KIAA0586: variants seen among roughly 807,000 people sequenced by gnomAD.
KIAA0586 encodes KIAA0586.
In KIAA0586, 144 loss-of-function variants were observed where a neutral mutation model predicts 169.8. That is an observed-to-expected ratio of 0.85 (90% CI 0.74 to 0.97). The LOEUF (loss-of-function observed/expected upper bound fraction) is 0.97, where lower values mean the gene tolerates loss of function less well. Among genes scored for constraint, KIAA0586 ranks in the 50% least tolerant of loss-of-function variants. The pLI, the probability that KIAA0586 is intolerant of heterozygous loss-of-function variation, is 0.00. For missense variants in KIAA0586, 1,854 were observed against 1,823.0 expected (o/e 1.02, Z -0.31); for synonymous variants, 625 against 612.4 (o/e 1.02, Z -0.30).
chr14:58,460,138 A>G lies in KIAA0586; in HGVS notation c.1884+68A>G, dbSNP rs1054359808. ...AATTGATCATTTCCTTTAAGAGATAAATAATGAAGCGAATGTGAAGGTGTT... is the reference window on the plus strand; with the variant it reads ...AATTGATCATTTCCTTTAAGAGATAGATAATGAAGCGAATGTGAAGGTGTT... On this transcript the variant is annotated intron_variant, in intron 13 of 30. Transcript: ENST00000652326. 9.7e-6 allele frequency: 9 copies of G among 924,690 alleles called. No individual in the cohort carries two copies. In the African/African-American group the frequency reaches 1.3e-4, roughly 14 times the overall value. 57.3% of individuals were successfully genotyped at this position (924,690 alleles called of 1,614,324 possible). A position where few individuals can be genotyped will look rare whatever the true frequency, so the allele number is the denominator to read the frequency against.
intron 20 of KIAA0586, 99 bp from the exon 21 acceptor site, chr14:58,482,414 A>G: frequency 7.7e-6 from 7 of 908,750 alleles, no homozygotes; most frequent in Non-Finnish European, 1.1e-5. Flanking sequence ...TGACAGAGTG[A>G]CACTACGTCT....
chr14:58,528,695 A>C (rs1363980643), intron 29 of KIAA0586, among the ~76,000 whole-genome samples: 1 of 152,234 alleles, frequency 6.6e-6, no homozygotes, highest in African/African-American at 2.4e-5. Context: ...TCTGGGACAC[A>C]TTTAAAGCAG....
chr14:58,544,874 G>A (rs572856542), intron 30 of KIAA0586, among the ~76,000 whole-genome samples: 1 of 152,290 alleles, frequency 6.6e-6, no homozygotes, highest in South Asian at 2.1e-4. Flanking sequence ...TTTGATATCA[G>A]AATACTCAGA....
intron 1 of KIAA0586, 140 bp downstream of exon 1, chr14:58,428,603 C>G (rs1267316693): frequency 1.6e-6 from 1 of 618,736 alleles, no homozygotes; most frequent in African/African-American, 1.9e-5. Flanking sequence ...GGGAAAATGG[C>G]CAGGAAGCCT....
intron 29 of KIAA0586, among the ~76,000 whole-genome samples, 171 bp downstream of exon 29, chr14:58,512,798 TGTTA>T (rs796827424): frequency 2.0e-4 from 30 of 152,196 alleles, no homozygotes; most frequent in African/African-American, 7.0e-4. Flanking sequence ...TATTTGACTA[TGTTA>T]GTTCTTTTTA....
chr14:58,456,928 A>T (rs1023381097), intron 10 of KIAA0586, 118 bp downstream of exon 10: 1 of 643,664 alleles, frequency 1.6e-6, no homozygotes, highest in Non-Finnish European at 2.7e-6. Flanking sequence ...TGAAAAAGAT[A>T]TGTCAGCCAC....
intron 14 of KIAA0586, among the ~76,000 whole-genome samples, chr14:58,464,979 G>A (rs1338607772): frequency 1.3e-5 from 2 of 152,074 alleles, no homozygotes; most frequent in African/African-American, 4.8e-5. Flanking sequence ...GGCTAGGGTG[G>A]GAGGATCACT....
At chr14:58,441,687 G>T (rs1291482587) in intron 4 of KIAA0586, among the ~76,000 whole-genome samples, 1 of 152,110 alleles carries the variant, frequency 6.6e-6, no homozygotes, top group Non-Finnish European at 1.5e-5. Flanking sequence ...AGGCTAGAGT[G>T]CAGTGGTGCC....
intron 7 of KIAA0586, among the ~76,000 whole-genome samples, chr14:58,448,870 TTC>T (rs2039125588): frequency 2.0e-5 from 3 of 152,184 alleles, no homozygotes; most frequent in South Asian, 2.1e-4. Flanking sequence ...AGTTCTCCTG[TTC>T]TCTGACAAAC....
Position 58,482,722 on chromosome 14 carries a change from AT to A in KIAA0586, c.3144+15del, listed in dbSNP as rs1310047993. The A allele has an allele frequency of 2.6e-6, 4 of 1,534,964 alleles. No homozygotes were observed. The highest frequency in any genetic ancestry group is 2.4e-5 in the East Asian group (1 of 42,496). Reference sequence around the variant, plus strand: ...TGAAACATATTTGCCGGTATGGGGAATTTTTGAGACATTTATTGAAGAATAG... The same window carrying A: ...TGAAACATATTTGCCGGTATGGGGAATTTTGAGACATTTATTGAAGAATAG... On this transcript the variant is annotated intron_variant, in intron 21 of 30. Coordinates refer to ENST00000652326, the MANE Select transcript of KIAA0586 (RefSeq NM_001329943.3).
intron 9 of KIAA0586, 68 bp from the exon 10 acceptor site, chr14:58,456,634 G>A (rs2039875254): frequency 1.2e-6 from 1 of 806,350 alleles, no homozygotes; most frequent in Non-Finnish European, 2.1e-6. Flanking sequence ...AATGTTTACT[G>A]AATTTACAAC....
chr14:58,541,870 C>CT (rs2046655866), intron 30 of KIAA0586, among the ~76,000 whole-genome samples: 1 of 152,082 alleles, frequency 6.6e-6, no homozygotes, highest in South Asian at 2.1e-4. Context: ...AAGGAATAGT[C>CT]TTTTTTATAG....
intron 21 of KIAA0586, 94 bp from the exon 22 acceptor site, chr14:58,486,913 A>AC: frequency 1.0e-6 from 1 of 977,214 alleles, no homozygotes; most frequent in Non-Finnish European, 1.4e-6. Context: ...ATCAATTTAA[A>AC]TTATATATAG....
chr14:58,438,471 T>C (rs1159191402), intron 4 of KIAA0586, among the ~76,000 whole-genome samples: 2 of 152,128 alleles, frequency 1.3e-5, no homozygotes, highest in Non-Finnish European at 2.9e-5. Flanking sequence ...ACCTAACCCT[T>C]TGTTACTTGC....
intron 30 of KIAA0586, among the ~76,000 whole-genome samples, chr14:58,544,271 C>T (rs76890020): frequency 6.6e-6 from 1 of 152,040 alleles, no homozygotes; most frequent in African/African-American, 2.4e-5. Flanking sequence ...ATTTGTCATC[C>T]ATGGGCATTT....
chr14:58,444,316 C>T, intron 6 of KIAA0586, 141 bp downstream of exon 6: 1 of 645,668 alleles, frequency 1.5e-6, no homozygotes, highest in Non-Finnish European at 2.7e-6. Context: ...CTTTCTTCTC[C>T]TGTAATGCGG....
intron 29 of KIAA0586, among the ~76,000 whole-genome samples, chr14:58,527,178 A>G (rs925820370): frequency 3.3e-5 from 5 of 152,160 alleles, no homozygotes; most frequent in East Asian, 1.9e-4. Flanking sequence ...AGGAATGAAC[A>G]GTGTCTCCAA....
rs2039892299 is a variant in KIAA0586, at chr14:58,456,788, AAG to A, written c.1342_1343del (p.Glu448AsnfsTer3). On this transcript the variant is annotated frameshift_variant, in exon 10 of 31. Coordinates refer to ENST00000652326, the MANE Select transcript of KIAA0586 (RefSeq NM_001329943.3). LOFTEE classifies it high-confidence loss of function. ...CTTCATGACCTTGGCCAAAAAGAGA[AAG>A]AAACAAATAGCATGGTCCAGGTAAA... 6.3e-7 allele frequency: 1 copy of A among 1,594,282 alleles called. No homozygotes were observed. The highest frequency in any genetic ancestry group is 8.6e-7 in the Non-Finnish European group (1 of 1,166,890).
chr14:58,480,115 T>A (rs1469655803), intron 20 of KIAA0586, among the ~76,000 whole-genome samples: 1 of 152,170 alleles, frequency 6.6e-6, no homozygotes, highest in Admixed American at 6.5e-5. Context: ...TATTCACCAC[T>A]TTAATTTCTC....
Sources: gnomAD v4.1 joint callset for allele counts (sites outside exome capture counted in the v4.1 genomes callset) on GRCh38, gnomAD v4.1.1 for gene constraint, MANE v1.5 for transcripts, NCBI Gene and HGNC (gene_info 2026-07-23, HGNC 2026-07-21) for gene names.